The following CD2AP variants were observed in gnomAD, a reference collection of about 807,000 sequenced individuals.
The protein encoded by CD2AP is CD2 associated protein.
A neutral mutation model predicts 85.1 loss-of-function variants in CD2AP; 46 were observed. The observed-to-expected ratio is 0.54, with a 90% confidence interval of 0.43 to 0.69. The LOEUF is 0.69. Among genes scored for constraint, CD2AP ranks in the 30% least tolerant of loss-of-function variants. CD2AP has a pLI of 0.00. For synonymous variants in CD2AP, 255 were observed against 252.9 expected (o/e 1.01, Z -0.08); for missense variants, 769 against 729.5 (o/e 1.05, Z -0.62).
intron 1 of CD2AP, among the ~76,000 whole-genome samples, chr6:47,491,469 C>T (rs1212676311): frequency 6.6e-6 from 1 of 151,880 alleles, no homozygotes; most frequent in African/African-American, 2.4e-5. Flanking sequence ...TAAAGGTTAA[C>T]ACTCAATAGT....
chr6:47,625,226 G>C lies in CD2AP; in HGVS notation c.*999G>C, dbSNP rs1181242953. 2 of 151,786 alleles carry C rather than the reference G, an allele frequency of 1.3e-5. No homozygotes were observed. Among genetic ancestry groups the C allele is most frequent in the East Asian group, 3.9e-4 (2 of 5,184 alleles). The allele number at this position is 151,786 out of a possible 1,614,324, so 9.4% of individuals were successfully genotyped here. The stretch of plus-strand genomic sequence containing the variant: ...GGAAAACAAAACCCAAAGCTTTTCA[G>C]AACTTCAGTGTGAGGTTTCCTATTT... On this transcript the variant is annotated 3_prime_UTR_variant, in exon 18 of 18. Coordinates refer to ENST00000359314, the MANE Select transcript of CD2AP (RefSeq NM_012120.3).
chr6:47,620,165 G>A (rs531563121), intron 17 of CD2AP, among the ~76,000 whole-genome samples: 1 of 152,246 alleles, frequency 6.6e-6, no homozygotes, highest in East Asian at 1.9e-4. Context: ...TTTTTCTGTT[G>A]TTATCTTCAA....
At chr6:47,552,986 G>A (rs1246656673) in intron 4 of CD2AP, among the ~76,000 whole-genome samples, 2 of 141,464 alleles carry the variant, frequency 1.4e-5, no homozygotes, top group African/African-American at 5.4e-5. Context: ...TTTTGGGGGG[G>A]AGCATTTTTT....
chr6:47,595,052 G>A (rs990237542), intron 11 of CD2AP, among the ~76,000 whole-genome samples: 3 of 151,860 alleles, frequency 2.0e-5, no homozygotes, highest in African/African-American at 7.2e-5. Context: ...CATTTTAGCT[G>A]ACTGCTGTAT....
intron 11 of CD2AP, among the ~76,000 whole-genome samples, chr6:47,583,058 C>T (rs2114110146): frequency 6.6e-6 from 1 of 152,280 alleles, no homozygotes; most frequent in South Asian, 2.1e-4. Flanking sequence ...GCTGGGATTA[C>T]AGGTGTGAGC....
chr6:47,508,921 C>T (rs1445970025), intron 2 of CD2AP, among the ~76,000 whole-genome samples: 1 of 152,154 alleles, frequency 6.6e-6, no homozygotes, highest in East Asian at 1.9e-4. Context: ...TAATTTCCTT[C>T]AAGACCTTTG....
chr6:47,531,323 A>G lies in CD2AP; in HGVS notation c.166-2279A>G, dbSNP rs149984217. Among the ~76,000 whole-genome samples the G allele has an allele frequency of 2.5e-4, 38 of 152,220 alleles. No individual in the cohort carries two copies. In the East Asian group the frequency reaches 5.5e-3, roughly 22 times the overall value. On this transcript the variant is annotated intron_variant, in intron 2 of 17. Transcript: ENST00000359314. Reference sequence around the variant, plus strand: ...TAACTTAATAAATGTTTATATTTTAACAATTTAACCATTTAAAAAATAATA... The same window carrying G: ...TAACTTAATAAATGTTTATATTTTAGCAATTTAACCATTTAAAAAATAATA...
Position 47,477,876 on chromosome 6 carries a change from A to C in CD2AP, c.-369A>C. The C allele has an allele frequency of 8.8e-6, 3 of 342,704 alleles. No homozygotes were observed. Among genetic ancestry groups the C allele is most frequent in the Middle Eastern group, 8.2e-4 (1 of 1,216 alleles). 21.2% of individuals were successfully genotyped at this position (342,704 alleles called of 1,614,324 possible). A position where few individuals can be genotyped will look rare whatever the true frequency, so the allele number is the denominator to read the frequency against. ...GAGGCGAGGGGCGGGCTCCGAGGCT[A>C]GGCGGGCGCTCGGGGTTGGAGCCGA... On this transcript the variant is annotated 5_prime_UTR_variant, in exon 1 of 18. Transcript: ENST00000359314.
At chr6:47,563,755 G>A (rs1056700862) in intron 5 of CD2AP, among the ~76,000 whole-genome samples, 3 of 152,122 alleles carry the variant, frequency 2.0e-5, no homozygotes, top group Non-Finnish European at 4.4e-5. Flanking sequence ...TGAAAAAAGC[G>A]TGAGCTCCCT....
chr6:47,489,534 C>T (rs1387871274), intron 1 of CD2AP, among the ~76,000 whole-genome samples: 2 of 152,132 alleles, frequency 1.3e-5, no homozygotes, highest in Non-Finnish European at 2.9e-5. Context: ...GAAGTTCTTA[C>T]ATAGCAACTT....
At chr6:47,489,484 C>T (rs2113965243) in intron 1 of CD2AP, among the ~76,000 whole-genome samples, 1 of 152,056 alleles carries the variant, frequency 6.6e-6, no homozygotes, top group East Asian at 1.9e-4. Context: ...CTGCACTCGA[C>T]TAGTTTTTTA....
At chr6:47,537,513 A>C (rs1234244313) in intron 3 of CD2AP, among the ~76,000 whole-genome samples, 2 of 152,182 alleles carry the variant, frequency 1.3e-5, no homozygotes, top group Admixed American at 1.3e-4. Flanking sequence ...TGCAGTGAAC[A>C]TAGTATACCC....
At chr6:47,532,119 G>A (rs980369188) in intron 2 of CD2AP, among the ~76,000 whole-genome samples, 9 of 151,802 alleles carry the variant, frequency 5.9e-5, no homozygotes, top group Non-Finnish European at 1.2e-4. Flanking sequence ...AAAACAATCT[G>A]TAATACTTTT....
At chr6:47,577,628 C>G (rs1197803907) in intron 8 of CD2AP, among the ~76,000 whole-genome samples, 1 of 152,078 alleles carries the variant, frequency 6.6e-6, no homozygotes, top group Admixed American at 6.5e-5. Flanking sequence ...AAGAGAAAAC[C>G]CAGTACTACT....
intron 1 of CD2AP, among the ~76,000 whole-genome samples, chr6:47,499,156 T>G (rs1249232142): frequency 1.3e-5 from 2 of 152,186 alleles, no homozygotes; most frequent in Non-Finnish European, 2.9e-5. Flanking sequence ...CTTTTCCTGC[T>G]TAGCCTTGGA....
chr6:47,554,743 C>T lies in CD2AP; in HGVS notation c.518C>T (p.Thr173Ile), dbSNP rs1311372350. ...TTAGAGGTAACAGATGATGGTGAAA[C>T]TCATGAAGCCCAGGACGATTCAGGT... ...KELEVTDDGE[T>I]HEAQDDSETV... Residue 173 changes from threonine (T) to isoleucine (I), a missense_variant, in exon 5 of 18, where the codon ACT (threonine) becomes ATT (isoleucine). By Grantham distance (89) the Thr-to-Ile change is moderately conservative. Coordinates refer to ENST00000359314, the MANE Select transcript of CD2AP (RefSeq NM_012120.3). 2 of 1,613,278 alleles carry T rather than the reference C, an allele frequency of 1.2e-6. No homozygotes were observed. The highest frequency in any genetic ancestry group is 1.7e-6 in the Non-Finnish European group (2 of 1,179,578).
rs953846355 is a variant in CD2AP, at chr6:47,624,620, A to C, written c.*393A>C. On this transcript the variant is annotated 3_prime_UTR_variant, in exon 18 of 18. Transcript: ENST00000359314. ...AAGATATACTATTTGAGAGGGACAG[A>C]TTAGCCTTTTAGTAACTATAGTCAC... The C allele has an allele frequency of 1.0e-5, 2 of 193,692 alleles. No homozygotes were observed. Among genetic ancestry groups the C allele is most frequent in the Non-Finnish European group, 2.1e-5 (2 of 94,036 alleles). 12.0% of individuals were successfully genotyped at this position (193,692 alleles called of 1,614,324 possible).
chr6:47,620,014 TTGTC>T (rs1769703553), intron 17 of CD2AP, among the ~76,000 whole-genome samples: 1 of 152,226 alleles, frequency 6.6e-6, no homozygotes, highest in Non-Finnish European at 1.5e-5. Flanking sequence ...ACTCTGTGGG[TTGTC>T]TGTTTACTCT....
chr6:47,624,163 T>G (rs534735677), intron 17 of CD2AP, 23 bp from the exon 18 acceptor site: 2 of 1,581,016 alleles, frequency 1.3e-6, no homozygotes, highest in Admixed American at 1.7e-5. Context: ...TTATGTTTGC[T>G]CAATTTATGT....
Sources: allele counts gnomAD v4.1 joint callset (sites outside exome capture counted in the v4.1 genomes callset), GRCh38; gene constraint gnomAD v4.1.1; transcripts MANE v1.5; gene names NCBI Gene and HGNC (gene_info 2026-07-23, HGNC 2026-07-21).